VWA5B1: variants seen among roughly 807,000 people sequenced by gnomAD.
VWA5B1 encodes von Willebrand factor A domain containing 5B1.
A neutral mutation model predicts 118.2 loss-of-function variants in VWA5B1; 115 were observed. The ratio of observed to expected loss-of-function variants is 0.97; its 90% CI spans 0.84 to 1.14. The LOEUF (loss-of-function observed/expected upper bound fraction) is 1.14. Among genes scored for constraint, VWA5B1 ranks in the 50% most tolerant of loss-of-function variants. The pLI is 0.00. For missense variants in VWA5B1, 1,596 were observed against 1,603.8 expected, an observed-to-expected ratio of 1.00 and a Z score of 0.08; for synonymous variants, 682 against 658.4, an observed-to-expected ratio of 1.04 and a Z score of -0.55.
chr1:20,307,810 C>T (rs1402596512), intron 1 of VWA5B1, among the ~76,000 whole-genome samples: 2 of 145,336 alleles, frequency 1.4e-5, no homozygotes, highest in East Asian at 2.0e-4. Flanking sequence ...TTCTGACATT[C>T]TTTTTTTTTT....
At chr1:20,302,397 G>A (rs1461190542) in intron 1 of VWA5B1, among the ~76,000 whole-genome samples, 1 of 152,168 alleles carries the variant, frequency 6.6e-6, no homozygotes, top group Non-Finnish European at 1.5e-5. Flanking sequence ...TATTTATTTG[G>A]CCACTGACTC....
intron 18 of VWA5B1, among the ~76,000 whole-genome samples, chr1:20,348,570 G>A (rs1200912201): frequency 1.3e-5 from 2 of 152,192 alleles, no homozygotes; most frequent in South Asian, 4.2e-4. Flanking sequence ...CACCACCACT[G>A]ACACAGTTCT....
At chr1:20,309,530 G>A (rs1436181251) in intron 1 of VWA5B1, among the ~76,000 whole-genome samples, 1 of 152,236 alleles carries the variant, frequency 6.6e-6, no homozygotes, top group African/African-American at 2.4e-5. Context: ...AGTGGAAACT[G>A]CTGGGACCCG....
intron 13 of VWA5B1, 28 bp from the exon 14 acceptor site, chr1:20,337,618 A>C (rs1302767140): frequency 6.5e-7 from 1 of 1,534,124 alleles, no homozygotes; most frequent in Non-Finnish European, 8.8e-7. Flanking sequence ...TCCCACTCTG[A>C]TGGTTCCCCA....
intron 3 of VWA5B1, 58 bp downstream of exon 3, chr1:20,313,046 G>C: frequency 1.3e-6 from 2 of 1,531,022 alleles, no homozygotes; most frequent in South Asian, 2.5e-5. Flanking sequence ...GAGGCTGCCT[G>C]GGCTGGAGCC....
At chr1:20,304,927 T>G (rs1387879983) in intron 1 of VWA5B1, among the ~76,000 whole-genome samples, 1 of 151,464 alleles carries the variant, frequency 6.6e-6, no homozygotes, top group Non-Finnish European at 1.5e-5. Flanking sequence ...CGAGAGATGC[T>G]GAAAATCATA....
At chr1:20,327,676 G>T (rs1441781354) in intron 8 of VWA5B1, among the ~76,000 whole-genome samples, 1 of 150,742 alleles carries the variant, frequency 6.6e-6, no homozygotes, top group African/African-American at 2.4e-5. Context: ...GGTGGTGGTG[G>T]TGGTGGTGGT....
At chr1:20,295,836 A>T (rs1038783774) in intron 1 of VWA5B1, among the ~76,000 whole-genome samples, 1 of 152,066 alleles carries the variant, frequency 6.6e-6, no homozygotes, top group Non-Finnish European at 1.5e-5. Context: ...CTTAATCATT[A>T]TCTGTGACCC....
intron 3 of VWA5B1, among the ~76,000 whole-genome samples, chr1:20,314,115 G>A (rs531940167): frequency 9.7e-4 from 148 of 152,258 alleles, no homozygotes; most frequent in African/African-American, 3.4e-3. Context: ...TCCCAGCAAG[G>A]TAGAGTGGAA....
chr1:20,306,551 G>A (rs139500890), intron 1 of VWA5B1, among the ~76,000 whole-genome samples: 60 of 152,254 alleles, frequency 3.9e-4, no homozygotes, highest in African/African-American at 1.4e-3. Flanking sequence ...CTCTACTCAC[G>A]CCTGCCTGTT....
intron 17 of VWA5B1, 67 bp downstream of exon 17, chr1:20,345,660 G>A: frequency 6.8e-7 from 1 of 1,470,944 alleles, no homozygotes; most frequent in Non-Finnish European, 9.0e-7. Context: ...AGGGGAGGGG[G>A]CTGAGATACA....
rs1557451203 is a variant in VWA5B1, at chr1:20,350,207, GCGAGAAGCA to G, written c.2933_2941del (p.Glu978_His980del). 1.9e-6 allele frequency: 3 copies of G among 1,551,098 alleles called. No individual in the cohort carries two copies. In the Admixed American group the frequency reaches 5.9e-5, roughly 30 times the overall value. On this transcript the variant is annotated inframe_deletion, in exon 19 of 22. Transcript: ENST00000289815. ...TTCAGCGAGGCCAGGTCCCCCGGCC[GCGAGAAGCA>G]CGGTGCTTCTGAAGGTGAGTGGGCA...
At chr1:20,315,542 C>T (rs1257641348) in intron 4 of VWA5B1, among the ~76,000 whole-genome samples, 1 of 152,160 alleles carries the variant, frequency 6.6e-6, no homozygotes, top group East Asian at 1.9e-4. Flanking sequence ...CAGAGTGGGA[C>T]AAGTGCTATT....
intron 2 of VWA5B1, among the ~76,000 whole-genome samples, chr1:20,310,966 T>A (rs767253796): frequency 6.6e-6 from 1 of 152,228 alleles, no homozygotes; most frequent in African/African-American, 2.4e-5. Flanking sequence ...CCCAGCCAAC[T>A]GTCCCTGCAC....
intron 8 of VWA5B1, among the ~76,000 whole-genome samples, chr1:20,324,687 C>G (rs2089324679): frequency 6.6e-6 from 1 of 151,894 alleles, no homozygotes; most frequent in Non-Finnish European, 1.5e-5. Flanking sequence ...AGAGCAAGCT[C>G]TTGTTTCCAG....
intron 15 of VWA5B1, among the ~76,000 whole-genome samples, chr1:20,342,817 C>T (rs891028786): frequency 2.6e-5 from 4 of 152,332 alleles, no homozygotes; most frequent in African/African-American, 7.2e-5. Context: ...CAGCTCCATT[C>T]TCTGTGCCCC....
chr1:20,331,262 T>C (rs1198480085), intron 11 of VWA5B1, among the ~76,000 whole-genome samples: 1 of 152,212 alleles, frequency 6.6e-6, no homozygotes, highest in Non-Finnish European at 1.5e-5. Flanking sequence ...ACCACCTATA[T>C]GGATTGAAGT....
At position 20,354,195 on chromosome 1, in the gene VWA5B1, GTGCT is replaced by G; in HGVS notation, c.3582_3585del (p.Leu1195CysfsTer22). On this transcript the variant is annotated frameshift_variant, in exon 22 of 22. Transcript: ENST00000289815. LOFTEE classifies it high-confidence loss of function. ...CAAGGCCGCTGCCCGCCAGCTGTTT[GTGCT>G]TCTGCGGCACTGGGATGAGAATCTC... The G allele has an allele frequency of 3.9e-6, 6 of 1,551,280 alleles. No individual in the cohort carries two copies. The highest frequency in any genetic ancestry group is 5.2e-6 in the Non-Finnish European group (6 of 1,147,002).
Position 20,324,430 on chromosome 1 carries a change from G to T in VWA5B1, c.1143+898G>T, listed in dbSNP as rs543722682. On this transcript the variant is annotated intron_variant, in intron 8 of 21. Transcript: ENST00000289815. ...TTGTGGCATTATCCAACACTCCCTT[G>T]TATTTTTGATTGTGCAGATGTCTGT... is the stretch of plus-strand genomic sequence containing the variant. Among the ~76,000 whole-genome samples the T allele has an allele frequency of 3.9e-5, 6 of 152,172 alleles. No individual in the cohort carries two copies. In the East Asian group the frequency reaches 1.2e-3, roughly 29 times the overall value.
Sources: allele counts gnomAD v4.1 joint callset (sites outside exome capture counted in the v4.1 genomes callset), GRCh38; gene constraint gnomAD v4.1.1; transcripts MANE v1.5; gene names NCBI Gene and HGNC (gene_info 2026-07-23, HGNC 2026-07-21).